OGG1: variants seen among roughly 807,000 people sequenced by gnomAD.
OGG1 encodes the protein N-glycosylase/DNA lyase.
A neutral mutation model predicts 42.3 loss-of-function variants in OGG1; 35 were observed. The ratio of observed to expected loss-of-function variants is 0.83; its 90% confidence interval spans 0.63 to 1.10. The LOEUF (loss-of-function observed/expected upper bound fraction) is 1.10, where lower values mean the gene tolerates loss of function less well. OGG1 is among the 50% of genes least tolerant of loss of function. OGG1 has a pLI of 0.00. For missense variants in OGG1, 484 were observed against 446.7 expected, an observed-to-expected ratio of 1.08 and a Z score of -0.75; for synonymous variants, 189 against 179.0, an observed-to-expected ratio of 1.06 and a Z score of -0.44.
downstream of OGG1, chr3:9,790,060 C>G: frequency 7.1e-7 from 1 of 1,407,960 alleles, no homozygotes; most frequent in Non-Finnish European, 9.4e-7. Context: ...TCTACAGAGG[C>G]TCCTGGGTCT....
chr3:9,786,279 CCA>C (rs1317880932), intron 3 of OGG1, among the ~76,000 whole-genome samples: 1 of 152,152 alleles, frequency 6.6e-6, no homozygotes. Context: ...ACAATTACGC[CCA>C]GAGTGACCTT....
downstream of OGG1, chr3:9,760,500 G>T (rs959704328): frequency 9.1e-6 from 6 of 661,022 alleles, no homozygotes; most frequent in African/African-American, 9.1e-5. Flanking sequence ...TACCCAAGCA[G>T]AAGGAAGAAG....
intron 3 of OGG1, chr3:9,785,539 C>G: frequency 1.4e-6 from 1 of 725,578 alleles, no homozygotes; most frequent in South Asian, 1.9e-5. Context: ...TCTTTCCCAT[C>G]CCACCTACCG....
intron 2 of OGG1, chr3:9,780,392 CCT>C: frequency 6.2e-7 from 1 of 1,613,610 alleles, no homozygotes; most frequent in Non-Finnish European, 8.5e-7. Flanking sequence ...CTCTCACGCT[CCT>C]TCAGAGTCTT....
chr3:9,758,378 A>G (rs1575217353), downstream of OGG1: 1 of 155,478 alleles, frequency 6.4e-6, no homozygotes, highest in Admixed American at 6.3e-5. Context: ...CAGTCATGGT[A>G]CCACCACCAT....
intron 3 of OGG1, chr3:9,752,202 A>C (rs1037691820): frequency 3.6e-6 from 2 of 551,822 alleles, no homozygotes; most frequent in Non-Finnish European, 6.5e-6. Context: ...TACAATGTAC[A>C]GTAGTTTGGG....
intron 3 of OGG1, among the ~76,000 whole-genome samples, chr3:9,785,795 T>C (rs1043320454): frequency 2.6e-5 from 4 of 152,242 alleles, no homozygotes; most frequent in African/African-American, 7.2e-5. Context: ...AGGCAATGCC[T>C]GTCCAGTTGT....
At chr3:9,789,766 G>A (rs2078694413), downstream of OGG1, 1 of 1,614,114 alleles carries the variant, frequency 6.2e-7, no homozygotes, top group Admixed American at 1.7e-5. Flanking sequence ...GGTCATCAGT[G>A]AATTCATATT....
rs1272878847 is a variant in OGG1, at chr3:9,765,241, A to C, written c.1049-568A>C. Among the ~76,000 whole-genome samples the C allele has an allele frequency of 2.6e-5, 4 of 151,998 alleles. No individual in the cohort carries two copies. The East Asian group carries it at 7.8e-4, about 30-fold the overall frequency. Reference sequence around the variant, plus strand: ...GACTCCATCTCAAAAAAAAAAAAAAAATTATCTGCCCAGGGTGGTTGGAAG... The same window carrying C: ...GACTCCATCTCAAAAAAAAAAAAAACATTATCTGCCCAGGGTGGTTGGAAG... On this transcript the variant is annotated intron_variant, in intron 7 of 7. Transcript: ENST00000302008.
In OGG1 at chr3:9,757,029, C is replaced by T. The variant is rs1030841530; in HGVS notation, c.949-32C>T. On this transcript the variant is annotated intron_variant, in intron 6 of 6. Transcript: ENST00000344629. The surrounding 1 kb of genome is among the most constrained non-coding windows in gnomAD (Gnocchi z 4.5). ...TCACCAGCCCTGACCCCAGTGTACC[C>T]TCCTCCCCACACAGACTCCACCCTC... The T allele has an allele frequency of 1.7e-5, 27 of 1,613,830 alleles. No individual in the cohort carries two copies. The highest frequency in any genetic ancestry group is 2.2e-5 in the East Asian group (1 of 44,896).
chr3:9,763,336 T>A, intron 7 of OGG1: 1 of 1,201,242 alleles, frequency 8.3e-7, no homozygotes, highest in Non-Finnish European at 1.2e-6. Context: ...AAAGCTGCAG[T>A]CTGTTATGAT....
intron 2 of OGG1, among the ~76,000 whole-genome samples, chr3:9,778,187 G>A (rs1039387554): frequency 6.6e-6 from 1 of 152,172 alleles, no homozygotes; most frequent in Non-Finnish European, 1.5e-5. Flanking sequence ...AACATTTACT[G>A]AGCCCTTCAT....
chr3:9,784,233 C>A (rs777712908), intron 3 of OGG1: 12 of 1,591,116 alleles, frequency 7.5e-6, no homozygotes, highest in Non-Finnish European at 9.5e-6. Flanking sequence ...GAGGCAGGCC[C>A]GTCAGACTCA....
At chr3:9,789,195 G>A (rs2078683716), downstream of OGG1, among the ~76,000 whole-genome samples, 1 of 152,210 alleles carries the variant, frequency 6.6e-6, no homozygotes, top group Non-Finnish European at 1.5e-5. Flanking sequence ...AACAGGAAGA[G>A]AGTTAAGAGG....
downstream of OGG1, among the ~76,000 whole-genome samples, chr3:9,769,052 C>T (rs1335517034): frequency 6.6e-6 from 1 of 152,016 alleles, no homozygotes; most frequent in African/African-American, 2.4e-5. Flanking sequence ...AGATCCAGTA[C>T]GCCTTGTATC....
chr3:9,769,016 G>A (rs1004151443), downstream of OGG1, among the ~76,000 whole-genome samples: 2 of 151,786 alleles, frequency 1.3e-5, no homozygotes, highest in Non-Finnish European at 2.9e-5. Flanking sequence ...CCCCTCCACA[G>A]CCCTGAACTC....
downstream of OGG1, chr3:9,767,689 C>T (rs779343393): frequency 5.1e-5 from 83 of 1,614,036 alleles, 1 homozygote; most frequent in Admixed American, 1.2e-4. Flanking sequence ...TCTCGGAAGT[C>T]GTAGATGTCT....
downstream of OGG1, among the ~76,000 whole-genome samples, chr3:9,788,613 C>CA (rs1320000327): frequency 1.3e-5 from 2 of 151,792 alleles, no homozygotes; most frequent in African/African-American, 4.8e-5. Context: ...GATCTTGGCT[C>CA]ATTGCAACCG....
At chr3:9,754,575 T>G in intron 3 of OGG1, 129 bp from the exon 4 acceptor site, 2 of 944,974 alleles carry the variant, frequency 2.1e-6, no homozygotes, top group Non-Finnish European at 3.3e-6. Flanking sequence ...CACTATCCCA[T>G]AGAGGGTGGG....
Sources: gnomAD v4.1 joint callset for allele counts (sites outside exome capture counted in the v4.1 genomes callset) on GRCh38, gnomAD v4.1.1 for gene constraint, Gnocchi (gnomAD v3.1) non-coding constraint, MANE v1.5 for transcripts, NCBI Gene and HGNC (gene_info 2026-07-23, HGNC 2026-07-21) for gene names.